Variants in GCNT2 observed in about 807,000 individuals in gnomAD.
GCNT2 encodes N-acetyllactosaminide beta-1,6-N-acetylglucosaminyl-transferase.
A neutral mutation model predicts 34.2 loss-of-function variants in GCNT2; 34 were observed. The observed-to-expected ratio is 1.00, with a 90% confidence interval of 0.76 to 1.32. The LOEUF is 1.32. Among genes scored for constraint, GCNT2 ranks in the 40% most tolerant of loss-of-function variants. The pLI, the probability that GCNT2 is intolerant of heterozygous loss-of-function variation, is 0.00. For missense variants in GCNT2, 584 were observed against 489.4 expected (o/e 1.19, Z -1.82); for synonymous variants, 212 against 188.0 (o/e 1.13, Z -1.04).
chr6:10,567,846 C>T (rs1036561363), intron 3 of GCNT2, among the ~76,000 whole-genome samples: 3 of 152,222 alleles, frequency 2.0e-5, no homozygotes, highest in African/African-American at 7.2e-5. Context: ...TGCCCTCGAA[C>T]TCTCAGCCGA....
At chr6:10,538,786 T>C (rs1473778744) in intron 3 of GCNT2, among the ~76,000 whole-genome samples, 1 of 152,184 alleles carries the variant, frequency 6.6e-6, no homozygotes, top group African/African-American at 2.4e-5. Context: ...TAAATAGTTT[T>C]GCTTTGCCAA....
At position 10,607,541 on chromosome 6, in the gene GCNT2, C is replaced by T. The variant is rs540045268; in HGVS notation, c.926-13810C>T. The stretch of plus-strand genomic sequence containing the variant: ...GGATTACAATTCAACATGAGATTTG[C>T]GCAGGGACACAGATCCAGACCATTT... On this transcript the variant is annotated intron_variant, in intron 3 of 4. Transcript: ENST00000495262. Among the ~76,000 whole-genome samples, 14 of 152,112 alleles carry T rather than the reference C, an allele frequency of 9.2e-5. No homozygotes were observed. In the South Asian group the frequency reaches 2.9e-3, roughly 32 times the overall value.
At chr6:10,572,812 C>A (rs1763613507) in intron 3 of GCNT2, among the ~76,000 whole-genome samples, 1 of 152,160 alleles carries the variant, frequency 6.6e-6, no homozygotes, top group Non-Finnish European at 1.5e-5. Context: ...CTACGTTACC[C>A]AGTGAGAGCA....
intron 3 of GCNT2, among the ~76,000 whole-genome samples, chr6:10,576,343 G>C (rs1344953369): frequency 6.6e-6 from 1 of 152,178 alleles, no homozygotes; most frequent in Admixed American, 6.5e-5. Context: ...CAGAGACCTA[G>C]TGAATGGCCC....
intron 3 of GCNT2, chr6:10,587,006 A>T: frequency 1.1e-6 from 1 of 918,128 alleles, no homozygotes; most frequent in Middle Eastern, 3.2e-4. Context: ...ATTATGAAAT[A>T]AATTTAAATA....
At chr6:10,559,480 A>G (rs1438185564) in intron 3 of GCNT2, among the ~76,000 whole-genome samples, 1 of 152,232 alleles carries the variant, frequency 6.6e-6, no homozygotes, top group Non-Finnish European at 1.5e-5. Context: ...CTCTCCAGCT[A>G]CAAAATGGGG....
intron 3 of GCNT2, among the ~76,000 whole-genome samples, chr6:10,549,566 T>TCC (rs1561792407): frequency 1.4e-5 from 1 of 72,616 alleles, no homozygotes. Context: ...TCTCTCTCTT[T>TCC]TTTTTTTTTT....
rs561873366 is a variant in GCNT2, at chr6:10,535,060, T to C, written c.925+5224T>C. Among the ~76,000 whole-genome samples, 594 of 152,220 alleles carry C rather than the reference T, an allele frequency of 3.9e-3. 9 individuals carry two copies. The highest frequency in any genetic ancestry group is 5.4e-3 in the Non-Finnish European group (366 of 68,018). ...TTAACCGGGTGTGGTGGTGCATGCCTGTAACCCCAGCTACTCAGGAGGCTG... is the reference window on the plus strand; with the variant it reads ...TTAACCGGGTGTGGTGGTGCATGCCCGTAACCCCAGCTACTCAGGAGGCTG... On this transcript the variant is annotated intron_variant, in intron 3 of 4. Transcript: ENST00000495262.
At chr6:10,528,549 C>T (rs1442907622) in intron 2 of GCNT2, 82 bp from the exon 3 acceptor site, 5 of 347,298 alleles carry the variant, frequency 1.4e-5, no homozygotes, top group Admixed American at 8.4e-5. Flanking sequence ...GAATGGTCAC[C>T]TCACCCACTT....
At chr6:10,553,858 C>T (rs1163066612) in intron 3 of GCNT2, among the ~76,000 whole-genome samples, 2 of 152,238 alleles carry the variant, frequency 1.3e-5, no homozygotes, top group African/African-American at 2.4e-5. Flanking sequence ...GGTGCCACTG[C>T]ACTCCAGCCT....
At chr6:10,555,734 A>T (rs1436210956) in intron 3 of GCNT2, 2 of 985,298 alleles carry the variant, frequency 2.0e-6, no homozygotes, top group African/African-American at 1.7e-5. Context: ...CTTGTTTTGA[A>T]AAACAGTGGG....
chr6:10,573,346 T>G, intron 3 of GCNT2: 1 of 893,350 alleles, frequency 1.1e-6, no homozygotes, highest in Non-Finnish European at 1.3e-6. Context: ...CATTTGTGGG[T>G]TTTATTGTTG....
intron 3 of GCNT2, among the ~76,000 whole-genome samples, chr6:10,535,396 C>T (rs1761708968): frequency 6.6e-6 from 1 of 152,178 alleles, no homozygotes; most frequent in South Asian, 2.1e-4. Flanking sequence ...TTTCCTCTCC[C>T]CACTTCCGTC....
intron 3 of GCNT2, among the ~76,000 whole-genome samples, chr6:10,569,319 G>C (rs982149401): frequency 1.4e-5 from 2 of 142,112 alleles, no homozygotes; most frequent in African/African-American, 5.2e-5. Context: ...ACTTCAAACA[G>C]TATCTTTCAG....
At chr6:10,606,113 G>C (rs542698587) in intron 3 of GCNT2, among the ~76,000 whole-genome samples, 220 of 152,320 alleles carry the variant, frequency 1.4e-3, no homozygotes, top group South Asian at 2.9e-3. Flanking sequence ...TCAGGAGTTT[G>C]AGACCAGCCT....
chr6:10,587,831 A>G (rs765375645), intron 3 of GCNT2, among the ~76,000 whole-genome samples: 1 of 152,100 alleles, frequency 6.6e-6, no homozygotes, highest in East Asian at 1.9e-4. Flanking sequence ...GTGACCCAGC[A>G]TGGTTGTGGG....
chr6:10,527,640 TAA>T lies in GCNT2; in HGVS notation c.-301_-300del, dbSNP rs1260609623. On this transcript the variant is annotated 5_prime_UTR_variant, in exon 2 of 5. Transcript: ENST00000495262. ...CACAGAGGAGGGAGTAAGGGAAGAG[TAA>T]GAAGATTTCAAAGGAGAGGTAATTG... 2.6e-5 allele frequency: 4 copies of T among 151,854 alleles called. No homozygotes were observed. The highest frequency in any genetic ancestry group is 9.7e-5 in the African/African-American group (4 of 41,302). The allele number at this position is 151,854 out of a possible 1,614,324, so 9.4% of individuals were successfully genotyped here.
chr6:10,538,408 CAAAAAAAAA>C (rs70991023), intron 3 of GCNT2, among the ~76,000 whole-genome samples: 58 of 40,154 alleles, frequency 1.4e-3, no homozygotes, highest in South Asian at 6.6e-3. Flanking sequence ...GACTCCGTCT[CAAAAAAAAA>C]AAAAAAAAAA....
intron 3 of GCNT2, among the ~76,000 whole-genome samples, chr6:10,563,474 G>T (rs954924221): frequency 6.6e-6 from 1 of 152,100 alleles, no homozygotes; most frequent in African/African-American, 2.4e-5. Flanking sequence ...GGGCGTGGTG[G>T]CTCACGCCTA....
Sources: gnomAD v4.1 joint callset for allele counts (sites outside exome capture counted in the v4.1 genomes callset) on GRCh38, gnomAD v4.1.1 for gene constraint, MANE v1.5 for transcripts, NCBI Gene and HGNC (gene_info 2026-07-23, HGNC 2026-07-21) for gene names.